AXIN1: variants seen among roughly 807,000 people sequenced by gnomAD.
AXIN1 encodes the protein axin 1.
AXIN1 carries 30 observed loss-of-function variants against 76.4 expected under a neutral mutation model. That is an observed-to-expected ratio of 0.39 (90% CI 0.29 to 0.53). The LOEUF is 0.53. Among genes scored for constraint, AXIN1 ranks in the 20% least tolerant of loss-of-function variants. AXIN1 has a pLI of 0.66. For missense variants in AXIN1, 1,140 were observed against 1,198.8 expected, an observed-to-expected ratio of 0.95 and a Z score of 0.72; for synonymous variants, 545 against 501.4, an observed-to-expected ratio of 1.09 and a Z score of -1.16.
intron 3 of AXIN1, 95 bp from the exon 4 acceptor site, chr16:310,164 G>A (rs1477235702): frequency 1.7e-6 from 2 of 1,166,076 alleles, no homozygotes; most frequent in African/African-American, 3.1e-5. Context: ...CCGGTCAGCA[G>A]GCAATGATGA....
Position 297,063 on chromosome 16 carries a change from C to T in AXIN1, c.1948G>A (p.Gly650Ser), listed in dbSNP as rs117208012. The change falls in exon 7 of 11, where the codon GGC becomes AGC. Residue 650 changes from glycine (G) to serine (S), a missense_variant. By Grantham distance (56) the Gly-to-Ser change is moderately conservative (BLOSUM62 0). This residue lies in a region of AXIN1 where 429 missense variants were observed against 405.8 expected (regional missense o/e 1.06). Transcript: ENST00000262320. ...EKEISRHRRT[G>S]HGSSGTRKPQ... ...TGCGTGCGGGGTGCTCACCCGTGGC[C>T]GGTCCTGCGGTGCCTGCTGATCTCC... is the stretch of plus-strand genomic sequence containing the variant. 0.019 allele frequency: 30,071 copies of T among 1,611,092 alleles called. 379 individuals carry two copies. Among genetic ancestry groups the T allele is most frequent in the Non-Finnish European group, 0.021 (25,120 of 1,179,898 alleles).
intron 2 of AXIN1, among the ~76,000 whole-genome samples, chr16:328,906 G>C (rs940149861): frequency 2.0e-5 from 3 of 152,086 alleles, no homozygotes; most frequent in Admixed American, 6.5e-5. Flanking sequence ...TGGCGGGCAG[G>C]GAGGGTCTGC....
chr16:336,828 A>C (rs1489705730), intron 2 of AXIN1, among the ~76,000 whole-genome samples: 9 of 150,432 alleles, frequency 6.0e-5, no homozygotes, highest in East Asian at 5.9e-4. Context: ...AAAAAAAAAA[A>C]AAAAAACAAA....
intron 2 of AXIN1, among the ~76,000 whole-genome samples, chr16:343,735 C>T (rs1555487282): frequency 1.3e-5 from 2 of 150,328 alleles, no homozygotes; most frequent in Non-Finnish European, 3.0e-5. Flanking sequence ...AATAACCAGC[C>T]AGGTGCAGTG....
rs903309753 is a variant in AXIN1 at position 308,643 on chromosome 16, G to A, written c.1116+1330C>T. 1.8e-4 allele frequency among the ~76,000 whole-genome samples: 27 copies of A among 152,352 alleles called. 1 individual carries two copies. The highest frequency in any genetic ancestry group is 6.5e-5 in the Admixed American group (1 of 15,310). ...ACCTGTGACTTGAAAATCAGAGGCCGGTGGCTGTGCAGGTGCCCTCGACTT... is the reference window on the plus strand; with the variant it reads ...ACCTGTGACTTGAAAATCAGAGGCCAGTGGCTGTGCAGGTGCCCTCGACTT... On this transcript the variant is annotated intron_variant, in intron 4 of 10. Transcript: ENST00000262320.
chr16:344,020 AAG>A (rs2053982830), intron 2 of AXIN1, among the ~76,000 whole-genome samples: 1 of 151,170 alleles, frequency 6.6e-6, no homozygotes, highest in Non-Finnish European at 1.5e-5. Flanking sequence ...AAAAAAAAAA[AAG>A]AAAGAAAGAA....
Position 314,497 on chromosome 16 carries a change from A to C in AXIN1, c.1019+46T>G, listed in dbSNP as rs199958811. ...GGACAAGGTGTCTGGGACCGGACTT[A>C]CACACTGCTGTCCGTGAGGGACTGG... On this transcript the variant is annotated intron_variant, in intron 3 of 10. Transcript: ENST00000262320. The C allele has an allele frequency of 3.7e-6, 6 of 1,611,740 alleles. No homozygotes were observed. The Admixed American group carries it at 1.0e-4, about 27-fold the overall frequency.
chr16:302,088 A>G (rs2052888398), intron 5 of AXIN1, among the ~76,000 whole-genome samples: 1 of 152,220 alleles, frequency 6.6e-6, no homozygotes, highest in Non-Finnish European at 1.5e-5. Context: ...CAGCCTCCTC[A>G]GGGCCACCCC....
intron 5 of AXIN1, among the ~76,000 whole-genome samples, chr16:301,899 T>C (rs1201073398): frequency 6.6e-6 from 1 of 152,254 alleles, no homozygotes; most frequent in Non-Finnish European, 1.5e-5. Flanking sequence ...GTTTAAGGGC[T>C]GCTAACCTTC....
chr16:352,045 C>CGGGA (rs1336060821), intron 1 of AXIN1, among the ~76,000 whole-genome samples: 1 of 151,974 alleles, frequency 6.6e-6, no homozygotes, highest in Non-Finnish European at 1.5e-5. Flanking sequence ...CGAGGGCGGG[C>CGGGA]GGGAGTGTCC....
chr16:315,550 G>A (rs111856631), intron 2 of AXIN1, among the ~76,000 whole-genome samples: 2,454 of 152,232 alleles, frequency 0.016, 49 homozygotes, highest in African/African-American at 0.05. Flanking sequence ...CAGACAGGCC[G>A]GGTGCGGTGG....
intron 2 of AXIN1, among the ~76,000 whole-genome samples, chr16:343,346 A>T (rs1470630151): frequency 6.6e-6 from 1 of 152,212 alleles, no homozygotes; most frequent in Admixed American, 6.5e-5. Flanking sequence ...CAACAGTGGA[A>T]ATCAGAACGG....
intron 5 of AXIN1, 42 bp from the exon 6 acceptor site, chr16:298,293 T>C (rs1277327302): frequency 2.0e-6 from 3 of 1,536,554 alleles, no homozygotes; most frequent in Non-Finnish European, 2.6e-6. Context: ...CAGCACCAGC[T>C]GCACACTTGG....
In AXIN1 at chr16:287,557, A is replaced by AGAAAT. The variant is rs2052414195; in HGVS notation, c.*560_*564dup. 3 of 315,122 alleles carry AGAAAT rather than the reference A, an allele frequency of 9.5e-6. No homozygotes were observed. The highest frequency in any genetic ancestry group is 6.3e-5 in the African/African-American group (3 of 47,700). 19.5% of individuals were successfully genotyped at this position (315,122 alleles called of 1,614,324 possible). A position where few individuals can be genotyped will look rare whatever the true frequency, so the allele number is the denominator to read the frequency against. The stretch of plus-strand genomic sequence containing the variant: ...GGGCAGCCCCTGCTGGCCTAGCCTG[A>AGAAAT]GAAATGTACATATTTACACGGGCCC... On this transcript the variant is annotated 3_prime_UTR_variant, in exon 11 of 11. Transcript: ENST00000262320.
Position 310,006 on chromosome 16 carries a change from C to T in AXIN1, c.1083G>A (p.Gln361=), listed in dbSNP as rs1245689537. The T allele has an allele frequency of 6.2e-7, 1 of 1,613,514 alleles. No homozygotes were observed. The change falls in exon 4 of 11, where the codon CAG becomes CAA. Residue 361 remains glutamine (Q), a synonymous_variant. Coordinates refer to ENST00000262320, the MANE Select transcript of AXIN1 (RefSeq NM_003502.4). ...GAGGTAGGGGCACCCGCCCATTGACCTGCACGCTCTCCTGCATCTCCCTGC... is the reference window on the plus strand; with the variant it reads ...GAGGTAGGGGCACCCGCCCATTGACTTGCACGCTCTCCTGCATCTCCCTGC... The part of the protein sequence containing the change: ...QHRREMQESV[Q]VNGRVPLPHI...
intron 7 of AXIN1, among the ~76,000 whole-genome samples, chr16:294,698 T>G (rs1383358040): frequency 7.5e-6 from 1 of 133,196 alleles, no homozygotes; most frequent in African/African-American, 2.9e-5. Flanking sequence ...GAGGTTGCAG[T>G]GCGTTGACAC....
At chr16:311,848 GCCTCT>G in intron 3 of AXIN1, among the ~76,000 whole-genome samples, 1 of 152,164 alleles carries the variant, frequency 6.6e-6, no homozygotes, top group Non-Finnish European at 1.5e-5. Context: ...GCACCCAGGG[GCCTCT>G]CAGAGCTGCC....
Position 316,398 on chromosome 16 carries a change from G to A in AXIN1, c.879-1715C>T, listed in dbSNP as rs140311329. Among the ~76,000 whole-genome samples, 490 of 152,326 alleles carry A rather than the reference G, an allele frequency of 3.2e-3. 4 individuals are homozygous for A. The highest frequency in any genetic ancestry group is 0.01 in the Middle Eastern group (3 of 294). On this transcript the variant is annotated intron_variant, in intron 2 of 10. Coordinates refer to ENST00000262320, the MANE Select transcript of AXIN1 (RefSeq NM_003502.4). Reference sequence around the variant, plus strand: ...CCTCTCTCCACCACATCTAACTCCTGTCAAAGGCATGTGCCCCTTCCGGGC... The same window carrying A: ...CCTCTCTCCACCACATCTAACTCCTATCAAAGGCATGTGCCCCTTCCGGGC...
intron 5 of AXIN1, chr16:299,032 G>A: frequency 1.0e-6 from 1 of 966,906 alleles, no homozygotes; most frequent in Non-Finnish European, 1.2e-6. Context: ...CTCCCAAAGT[G>A]TTGGGATGAC....
Sources: allele counts gnomAD v4.1 joint callset (sites outside exome capture counted in the v4.1 genomes callset), GRCh38; gene constraint gnomAD v4.1.1; regional missense constraint gnomAD v4.1.1; transcripts MANE v1.5; gene names NCBI Gene and HGNC (gene_info 2026-07-23, HGNC 2026-07-21).